CRTC3: variants seen among roughly 807,000 people sequenced by gnomAD.
The protein encoded by CRTC3 is CREB regulated transcription coactivator 3, also known as CREB-regulated transcription coactivator 3.
Under a neutral mutation model 74.5 loss-of-function variants are expected in CRTC3, and 26 were observed. The observed-to-expected ratio is 0.35, with a 90% CI of 0.26 to 0.48. The LOEUF (loss-of-function observed/expected upper bound fraction) is 0.48. Among genes scored for constraint, CRTC3 ranks in the 20% least tolerant of loss-of-function variants. CRTC3 has a pLI of 0.99. For missense variants in CRTC3, 760 were observed against 787.3 expected (o/e 0.97, Z 0.41); for synonymous variants, 377 against 325.8 (o/e 1.16, Z -1.69).
chr15:90,619,979 T>C, intron 9 of CRTC3, 189 bp downstream of exon 9: 1 of 582,112 alleles, frequency 1.7e-6, no homozygotes, highest in Non-Finnish European at 3.1e-6. Flanking sequence ...CTAATTAAAT[T>C]ACATGACTAT....
rs1050496909 is a variant in CRTC3, at chr15:90,583,095, C to T, written c.232-10541C>T. Among the ~76,000 whole-genome samples, 3 of 152,074 alleles carry T rather than the reference C, an allele frequency of 2.0e-5. No homozygotes were observed. The East Asian group carries it at 5.8e-4, about 29-fold the overall frequency. On this transcript the variant is annotated intron_variant, in intron 2 of 14. Coordinates refer to ENST00000268184, the MANE Select transcript of CRTC3 (RefSeq NM_022769.5). ...TCAAGCGATCCTCCCACCTCGGCCT[C>T]CCAAAGTGCTGGGATTACACGTGTG...
intron 9 of CRTC3, among the ~76,000 whole-genome samples, chr15:90,623,740 C>T (rs1407630458): frequency 2.0e-5 from 3 of 152,158 alleles, no homozygotes; most frequent in Admixed American, 6.5e-5. Flanking sequence ...CTTCCACTGG[C>T]GTCGTGTCAG....
At chr15:90,588,889 A>G (rs143834292) in intron 2 of CRTC3, among the ~76,000 whole-genome samples, 147 of 152,232 alleles carry the variant, frequency 9.7e-4, no homozygotes, top group African/African-American at 3.3e-3. Context: ...TGTATGTAAC[A>G]TCATTTTGTC....
At chr15:90,639,217 C>T (rs1969351563) in intron 13 of CRTC3, among the ~76,000 whole-genome samples, 1 of 152,054 alleles carries the variant, frequency 6.6e-6, no homozygotes, top group African/African-American at 2.4e-5. Context: ...CAGGCTGGTG[C>T]ACCCAGCACA....
chr15:90,642,564 C>A lies in CRTC3; in HGVS notation c.*424C>A. 3.2e-6 allele frequency: 1 copy of A among 311,176 alleles called. No individual in the cohort carries two copies. Among genetic ancestry groups the A allele is most frequent in the Non-Finnish European group, 6.1e-6 (1 of 165,254 alleles). The allele number at this position is 311,176 out of a possible 1,614,324, so 19.3% of individuals were successfully genotyped here. A position where few individuals can be genotyped will look rare whatever the true frequency, so the allele number is the denominator to read the frequency against. The stretch of plus-strand genomic sequence containing the variant: ...CCGGAGTGGGAGGCTCGGCCTGGGG[C>A]GGCGGCACCGGAGAGGGCACCTCGA... On this transcript the variant is annotated 3_prime_UTR_variant, in exon 15 of 15. Transcript: ENST00000268184.
intron 11 of CRTC3, among the ~76,000 whole-genome samples, chr15:90,632,651 C>T (rs1255941573): frequency 2.0e-5 from 3 of 152,178 alleles, no homozygotes; most frequent in African/African-American, 7.2e-5. Context: ...GTCACCCAGG[C>T]TGGGGTGTAG....
rs560173926 is a variant in CRTC3 at position 90,537,414 on chromosome 15, C to T, written c.133-2625C>T. On this transcript the variant is annotated intron_variant, in intron 1 of 14. Coordinates refer to ENST00000268184, the MANE Select transcript of CRTC3 (RefSeq NM_022769.5). ...AGTGCTTTTTGTTTTTTTAGAGTCT[C>T]GCTCTGTCGCCCAGGCTGGAGTGCA... Among the ~76,000 whole-genome samples the T allele has an allele frequency of 8.1e-4, 124 of 152,280 alleles. 3 individuals carry two copies. In the South Asian group the frequency reaches 0.025, roughly 31 times the overall value.
chr15:90,547,907 T>C (rs1223509850), intron 2 of CRTC3, among the ~76,000 whole-genome samples: 9 of 149,476 alleles, frequency 6.0e-5, no homozygotes, highest in Admixed American at 6.0e-4. Flanking sequence ...TTTTTTTTTT[T>C]TTGTGACAAG....
At chr15:90,542,715 G>C (rs1288695175) in intron 2 of CRTC3, among the ~76,000 whole-genome samples, 1 of 152,190 alleles carries the variant, frequency 6.6e-6, no homozygotes, top group African/African-American at 2.4e-5. Flanking sequence ...ATCACATGCA[G>C]TTATTGCCTG....
At chr15:90,574,616 A>G (rs927358253) in intron 2 of CRTC3, among the ~76,000 whole-genome samples, 1 of 152,242 alleles carries the variant, frequency 6.6e-6, no homozygotes, top group African/African-American at 2.4e-5. Context: ...GTGTAGTTTT[A>G]GTAGATATTG....
At chr15:90,588,504 T>G (rs1032918803) in intron 2 of CRTC3, among the ~76,000 whole-genome samples, 2 of 152,226 alleles carry the variant, frequency 1.3e-5, no homozygotes, top group Non-Finnish European at 2.9e-5. Flanking sequence ...CATGATAGTC[T>G]CATGGCAGAA....
At chr15:90,626,789 A>G (rs1226448527) in intron 10 of CRTC3, among the ~76,000 whole-genome samples, 1 of 151,964 alleles carries the variant, frequency 6.6e-6, no homozygotes, top group African/African-American at 2.4e-5. Context: ...TCGTTTTTGT[A>G]TTTTTAGTAG....
At chr15:90,557,566 T>G (rs1461616980) in intron 2 of CRTC3, among the ~76,000 whole-genome samples, 1 of 152,132 alleles carries the variant, frequency 6.6e-6, no homozygotes, top group Non-Finnish European at 1.5e-5. Flanking sequence ...TTTCACATAG[T>G]GATCTGTTAA....
rs28495994 is a variant in CRTC3, at chr15:90,541,824, C to T, written c.231+1687C>T. ...TTTTTGAGATGGAGTCTCACTCTGT[C>T]GCCCAGGCAGGAGTGCAGTAGTGCA... is the stretch of plus-strand genomic sequence containing the variant. On this transcript the variant is annotated intron_variant, in intron 2 of 14. Transcript: ENST00000268184. 2.1e-3 allele frequency among the ~76,000 whole-genome samples: 257 copies of T among 125,106 alleles called. 1 individual carries two copies. The highest frequency in any genetic ancestry group is 6.1e-3 in the African/African-American group (199 of 32,552). 82.1% of individuals were successfully genotyped at this position (125,106 alleles called of 152,430 possible). A position where few individuals can be genotyped will look rare whatever the true frequency, so the allele number is the denominator to read the frequency against.
chr15:90,557,211 C>G (rs532855294), intron 2 of CRTC3, among the ~76,000 whole-genome samples: 1 of 152,172 alleles, frequency 6.6e-6, no homozygotes, highest in East Asian at 1.9e-4. Flanking sequence ...AGAACAATCG[C>G]AAGTTTAGCT....
At chr15:90,581,078 C>T (rs138752496) in intron 2 of CRTC3, among the ~76,000 whole-genome samples, 5 of 152,124 alleles carry the variant, frequency 3.3e-5, no homozygotes, top group Admixed American at 6.5e-5. Context: ...AAAGGAGTGG[C>T]CTGCCTGGGA....
At position 90,624,690 on chromosome 15, in the gene CRTC3, C is replaced by T. The variant is rs1392641366; in HGVS notation, c.750-1086C>T. The stretch of plus-strand genomic sequence containing the variant: ...ACCCAGCATAGCGCGCTTCCTGCCA[C>T]GTTGCAGTTACTTGCTTTCCCAGGC... On this transcript the variant is annotated intron_variant, in intron 9 of 14. Transcript: ENST00000268184. 2.6e-5 allele frequency among the ~76,000 whole-genome samples: 4 copies of T among 152,264 alleles called. No homozygotes were observed. In the South Asian group the frequency reaches 6.2e-4, roughly 24 times the overall value.
intron 6 of CRTC3, among the ~76,000 whole-genome samples, chr15:90,612,924 C>T (rs1464741991): frequency 6.6e-6 from 1 of 152,040 alleles, no homozygotes; most frequent in Non-Finnish European, 1.5e-5. Context: ...GTAGGCTGGG[C>T]GTGGTGGCTC....
At chr15:90,561,194 A>T (rs1967004225) in intron 2 of CRTC3, among the ~76,000 whole-genome samples, 1 of 152,220 alleles carries the variant, frequency 6.6e-6, no homozygotes, top group Admixed American at 6.5e-5. Context: ...AATAATGCCC[A>T]GCACAGTTGT....
Sources: gnomAD v4.1 joint callset for allele counts (sites outside exome capture counted in the v4.1 genomes callset) on GRCh38, gnomAD v4.1.1 for gene constraint, MANE v1.5 for transcripts, NCBI Gene and HGNC (gene_info 2026-07-23, HGNC 2026-07-21) for gene names.